The following MED13L variants were observed in gnomAD, a reference collection of about 807,000 sequenced individuals.
The protein encoded by MED13L is mediator of RNA polymerase II transcription subunit 13-like.
A neutral mutation model predicts 220.9 loss-of-function variants in MED13L; 7 were observed. The observed-to-expected ratio is 0.03, with a 90% CI of 0.02 to 0.06. The LOEUF (loss-of-function observed/expected upper bound fraction) is 0.06, where lower values mean the gene tolerates loss of function less well. Ranked by LOEUF, MED13L falls within the 10% of genes least tolerant of loss-of-function variation. The probability of loss-of-function intolerance (pLI) is 1.00; values close to 1 mark genes in which losing one functional copy is unlikely to be tolerated. For missense variants in MED13L, 1,965 were observed against 2,760.5 expected (o/e 0.71, Z 6.46); for synonymous variants, 1,011 against 1,015.2 (o/e 1.00, Z 0.08).
At chr12:116,153,730 G>A (rs1323482466) in intron 2 of MED13L, among the ~76,000 whole-genome samples, 1 of 152,104 alleles carries the variant, frequency 6.6e-6, no homozygotes, top group African/African-American at 2.4e-5. Context: ...CCTTACTGCA[G>A]GAAATTTTGA....
chr12:116,268,913 T>A (rs941992623), intron 1 of MED13L, among the ~76,000 whole-genome samples: 6 of 152,250 alleles, frequency 3.9e-5, no homozygotes, highest in African/African-American at 1.2e-4. Flanking sequence ...TTAAATATTT[T>A]CCTGCTTTAT....
At chr12:116,040,774 T>C (rs1427786292) in intron 4 of MED13L, among the ~76,000 whole-genome samples, 2 of 151,350 alleles carry the variant, frequency 1.3e-5, no homozygotes, top group Non-Finnish European at 2.9e-5. Flanking sequence ...CCACTATAGC[T>C]TGTATATGTT....
intron 17 of MED13L, among the ~76,000 whole-genome samples, chr12:115,988,610 T>C (rs1285354485): frequency 6.6e-6 from 1 of 152,170 alleles, no homozygotes. Context: ...AGCAAGCACG[T>C]TTCTTATGAA....
At chr12:116,008,272 A>G in intron 10 of MED13L, 129 bp downstream of exon 10, 1 of 1,286,656 alleles carries the variant, frequency 7.8e-7, no homozygotes, top group Non-Finnish European at 1.1e-6. Context: ...AACATTTTCC[A>G]TATCCGGAGT....
chr12:116,274,370 A>G (rs1873637737), intron 1 of MED13L, among the ~76,000 whole-genome samples: 1 of 150,404 alleles, frequency 6.6e-6, no homozygotes, highest in Non-Finnish European at 1.5e-5. Context: ...CTAACTAATG[A>G]GAGTATCTAG....
intron 25 of MED13L, among the ~76,000 whole-genome samples, chr12:115,973,320 C>G (rs564454542): frequency 1.6e-4 from 25 of 152,310 alleles, no homozygotes; most frequent in African/African-American, 6.0e-4. Context: ...TACACTGTCC[C>G]ATGGAGATGC....
intron 2 of MED13L, among the ~76,000 whole-genome samples, chr12:116,182,330 C>T (rs1458729189): frequency 6.6e-6 from 1 of 152,188 alleles, no homozygotes; most frequent in African/African-American, 2.4e-5. Flanking sequence ...TAGCCACTCT[C>T]CTCCAAAACT....
chr12:116,232,418 G>A (rs1159441898), intron 2 of MED13L, among the ~76,000 whole-genome samples: 3 of 152,062 alleles, frequency 2.0e-5, no homozygotes, highest in South Asian at 2.1e-4. Flanking sequence ...CCCAAAAATT[G>A]GCTATTTCTA....
At chr12:116,232,490 G>A (rs754117869) in intron 2 of MED13L, among the ~76,000 whole-genome samples, 4 of 152,216 alleles carry the variant, frequency 2.6e-5, no homozygotes, top group South Asian at 4.1e-4. Flanking sequence ...CAATATCCTC[G>A]CATTATCAAA....
chr12:116,055,405 A>G (rs905092258), intron 4 of MED13L, among the ~76,000 whole-genome samples: 6 of 152,250 alleles, frequency 3.9e-5, no homozygotes, highest in Non-Finnish European at 7.3e-5. Flanking sequence ...AAGAAAAAGC[A>G]TATTAACATG....
intron 2 of MED13L, among the ~76,000 whole-genome samples, chr12:116,132,072 A>T (rs1160105845): frequency 6.6e-6 from 1 of 152,116 alleles, no homozygotes; most frequent in Non-Finnish European, 1.5e-5. Flanking sequence ...TGAGGTCAGG[A>T]GTTCGAGATC....
intron 3 of MED13L, among the ~76,000 whole-genome samples, chr12:116,099,121 T>A (rs1872849377): frequency 6.6e-6 from 1 of 152,134 alleles, no homozygotes. Context: ...TTTTTGTAGA[T>A]GAAGAAGCTG....
At position 115,975,670 on chromosome 12, in the gene MED13L, C is replaced by A; in HGVS notation, c.5433G>T (p.Glu1811Asp). Reference protein sequence around the residue: ...ILAPIKDKQTELGETFGEASQ... With the variant: ...ILAPIKDKQTDLGETFGEASQ... Reference sequence around the variant, plus strand: ...TCGCCTCACCAAACGTCTCTCCCAGCTCTGTCTGCTTGTCTTTGATTGGGG... The same window carrying A: ...TCGCCTCACCAAACGTCTCTCCCAGATCTGTCTGCTTGTCTTTGATTGGGG... The change falls in exon 24 of 31, where the codon GAG (glutamate) becomes GAT (aspartate). Residue 1811 changes from glutamate (E) to aspartate (D), a missense_variant. Coordinates refer to ENST00000281928, the MANE Select transcript of MED13L (RefSeq NM_015335.5). 6.2e-7 allele frequency: 1 copy of A among 1,614,036 alleles called. No homozygotes were observed. Among genetic ancestry groups the A allele is most frequent in the Non-Finnish European group, 8.5e-7 (1 of 1,180,014 alleles).
intron 2 of MED13L, among the ~76,000 whole-genome samples, chr12:116,147,890 C>CA (rs1054332671): frequency 3.3e-5 from 5 of 149,904 alleles, no homozygotes; most frequent in South Asian, 2.1e-4. Flanking sequence ...GTTTTTTTAA[C>CA]AAAAAAATTA....
chr12:116,019,917 C>T lies in MED13L; in HGVS notation c.681G>A (p.Met227Ile), dbSNP rs768094617. 3 of 1,613,652 alleles carry T rather than the reference C, an allele frequency of 1.9e-6. No individual in the cohort carries two copies. Among genetic ancestry groups the T allele is most frequent in the Admixed American group, 1.7e-5 (1 of 59,924 alleles). The change falls in exon 6 of 31, where the codon ATG (methionine) becomes ATA (isoleucine). Residue 227 changes from methionine (M) to isoleucine (I), a missense_variant. Met to Ile is a conservative substitution (Grantham distance 10). Around this residue, in one of 10 missense-constraint regions of MED13L, gnomAD observed 818 missense variants for 1,041.2 expected, o/e 0.79. Transcript: ENST00000281928. The part of the protein sequence containing the change: ...NGTLTGQAYK[M>I]SDPATRKLIE... ...TCAACTTACGAGTGGCTGGGTCTGACATCTTGTATGCTTGGCCTGTTAGCG... is the reference window on the plus strand; with the variant it reads ...TCAACTTACGAGTGGCTGGGTCTGATATCTTGTATGCTTGGCCTGTTAGCG...
intron 2 of MED13L, among the ~76,000 whole-genome samples, chr12:116,166,590 A>T (rs1317266258): frequency 6.6e-6 from 1 of 152,188 alleles, no homozygotes; most frequent in Non-Finnish European, 1.5e-5. Context: ...TCATTAATAA[A>T]TAAATAAATA....
At chr12:116,276,763 G>C (rs1873883703) in intron 1 of MED13L, 1 of 1,305,558 alleles carries the variant, frequency 7.7e-7, no homozygotes, top group Non-Finnish European at 9.9e-7. Flanking sequence ...GATTGCAACA[G>C]AGGGTGGGCG....
intron 13 of MED13L, 104 bp downstream of exon 13, chr12:116,005,765 A>G: frequency 2.1e-6 from 3 of 1,405,640 alleles, no homozygotes; most frequent in Non-Finnish European, 3.0e-6. Context: ...CTGAAATAAG[A>G]GCCCCCAAAT....
At chr12:116,214,174 G>A (rs1288917465) in intron 2 of MED13L, among the ~76,000 whole-genome samples, 1 of 152,142 alleles carries the variant, frequency 6.6e-6, no homozygotes, top group Non-Finnish European at 1.5e-5. Flanking sequence ...GGATTCCTTA[G>A]TAATATAAAT....
Sources: gnomAD v4.1 joint callset for allele counts (sites outside exome capture counted in the v4.1 genomes callset) on GRCh38, gnomAD v4.1.1 for gene constraint, gnomAD v4.1.1 regional missense constraint, MANE v1.5 for transcripts, NCBI Gene and HGNC (gene_info 2026-07-23, HGNC 2026-07-21) for gene names.